The following ABCC12 variants were observed in gnomAD, a reference collection of about 807,000 sequenced individuals.
ABCC12 encodes ATP-binding cassette sub-family C member 12.
Under a neutral mutation model 151.1 loss-of-function variants are expected in ABCC12, and 142 were observed. The ratio of observed to expected loss-of-function variants is 0.94; its 90% confidence interval spans 0.82 to 1.08. The LOEUF is 1.08. Ranked by LOEUF, ABCC12 falls within the 50% of genes least tolerant of loss-of-function variation. ABCC12 has a pLI of 0.00. For missense variants in ABCC12, 1,638 were observed against 1,691.1 expected, an observed-to-expected ratio of 0.97 and a Z score of 0.55; for synonymous variants, 645 against 646.4, an observed-to-expected ratio of 1.00 and a Z score of 0.03.
At chr16:48,154,277 A>G (rs1965154291) in intron 1 of ABCC12, among the ~76,000 whole-genome samples, 1 of 152,208 alleles carries the variant, frequency 6.6e-6, no homozygotes, top group Non-Finnish European at 1.5e-5. Context: ...CACAAAGACC[A>G]TGTACAACTT....
intron 22 of ABCC12, 104 bp downstream of exon 22, chr16:48,104,038 T>C: frequency 2.4e-6 from 3 of 1,234,138 alleles, no homozygotes; most frequent in South Asian, 1.5e-5. Flanking sequence ...AAATCAATGG[T>C]AGACCATCAG....
At chr16:48,109,613 G>C (rs910988073) in intron 18 of ABCC12, among the ~76,000 whole-genome samples, 4 of 152,256 alleles carry the variant, frequency 2.6e-5, no homozygotes, top group African/African-American at 7.2e-5. Context: ...TTGCTGAATA[G>C]AGCCACCATT....
rs1234367972 is a variant in ABCC12, at chr16:48,083,445, A to G, written c.*270T>C. ...TGGTTTTGGTGAAAACACATGAGGA[A>G]CCCTTGGGGATTTGGGAGGTGAAGG... On this transcript the variant is annotated 3_prime_UTR_variant, in exon 31 of 31. Transcript: ENST00000311303. 2.4e-6 allele frequency: 1 copy of G among 416,620 alleles called. No individual in the cohort carries two copies. The highest frequency in any genetic ancestry group is 4.2e-5 in the East Asian group (1 of 23,878). The allele number at this position is 416,620 out of a possible 1,614,324, so 25.8% of individuals were successfully genotyped here. A position where few individuals can be genotyped will look rare whatever the true frequency, so the allele number is the denominator to read the frequency against.
At chr16:48,095,222 C>G (rs1330452489) in intron 24 of ABCC12, among the ~76,000 whole-genome samples, 1 of 152,164 alleles carries the variant, frequency 6.6e-6, no homozygotes, top group African/African-American at 2.4e-5. Flanking sequence ...GTAAATAAGT[C>G]TCACGAGAGC....
intron 29 of ABCC12, among the ~76,000 whole-genome samples, chr16:48,085,135 A>T (rs1962530479): frequency 6.6e-6 from 1 of 152,152 alleles, no homozygotes; most frequent in East Asian, 1.9e-4. Flanking sequence ...TGGCATTACT[A>T]AAGCAACAGC....
In ABCC12 at chr16:48,105,305, A is replaced by G. The variant is rs1247738739; in HGVS notation, c.2507T>C (p.Met836Thr). ...MTCGPQGNRTMCEVGAVLADI... is the reference protein window; with the variant it reads ...MTCGPQGNRTTCEVGAVLADI... ...TGCCAGCACCGCGCCGACCTCACAC[A>G]TGGTCCTGTTGCCCTGGGGCCCACA... The change falls in exon 21 of 31, where the codon ATG becomes ACG. Residue 836 changes from methionine to threonine, a missense_variant. Met to Thr is a moderately conservative substitution (Grantham distance 81). Coordinates refer to ENST00000311303, the MANE Select transcript of ABCC12 (RefSeq NM_001393797.1). 1.2e-6 allele frequency: 2 copies of G among 1,612,830 alleles called. No homozygotes were observed. The highest frequency in any genetic ancestry group is 2.7e-5 in the African/African-American group (2 of 74,902).
At chr16:48,141,062 A>G (rs1300022396) in intron 5 of ABCC12, 142 bp from the exon 6 acceptor site, 14 of 1,396,136 alleles carry the variant, frequency 1.0e-5, no homozygotes, top group Non-Finnish European at 1.3e-5. Context: ...CTTGACAAGG[A>G]TTCACTTTAT....
In ABCC12 at chr16:48,089,803, T is replaced by A. The variant is rs538515350; in HGVS notation, c.3286-1069A>T. ...AGTATTCACAATATATTAACAGAAC[T>A]TGGGCTTGTGACTCTAATTTAAAAT... On this transcript the variant is annotated intron_variant, in intron 25 of 30. Transcript: ENST00000311303. Among the ~76,000 whole-genome samples the A allele has an allele frequency of 4.3e-4, 65 of 152,356 alleles. 1 individual carries two copies. The South Asian group carries it at 0.01, about 24-fold the overall frequency.
At chr16:48,112,008 C>G in intron 15 of ABCC12, 98 bp from the exon 16 acceptor site, 1 of 1,437,502 alleles carries the variant, frequency 7.0e-7, no homozygotes, top group Non-Finnish European at 9.4e-7. Flanking sequence ...ACTTTAGGGG[C>G]CAGATCATTC....
rs1963529433 is a variant in ABCC12, at chr16:48,107,351, G to A, written c.2446C>T (p.Leu816=). 6.2e-7 allele frequency: 1 copy of A among 1,614,178 alleles called. No individual in the cohort carries two copies. Among genetic ancestry groups the A allele is most frequent in the Non-Finnish European group, 8.5e-7 (1 of 1,180,028 alleles). ...GAGCCCTTGTCCAACCAGAGACCCA[G>A]CCACCAGTTGCTGAAGGCAGCGCTG... ...IGSAAFSNWW[L]GLWLDKGSRM... Residue 816 remains leucine, a synonymous_variant, in exon 20 of 31, where the codon CTG becomes TTG. Coordinates refer to ENST00000311303, the MANE Select transcript of ABCC12 (RefSeq NM_001393797.1).
intron 3 of ABCC12, among the ~76,000 whole-genome samples, chr16:48,144,894 G>T (rs1415159244): frequency 6.6e-6 from 1 of 152,154 alleles, no homozygotes; most frequent in African/African-American, 2.4e-5. Context: ...AACTCAGTAA[G>T]ATGGGTGGCA....
At chr16:48,105,042 G>A (rs1177458100) in intron 21 of ABCC12, 97 bp downstream of exon 21, 4 of 1,380,642 alleles carry the variant, frequency 2.9e-6, no homozygotes, top group African/African-American at 1.4e-5. Context: ...GGCTCTGGCT[G>A]TCCCCAGAGC....
intron 22 of ABCC12, among the ~76,000 whole-genome samples, chr16:48,102,844 C>A (rs1963355418): frequency 6.6e-6 from 1 of 152,174 alleles, no homozygotes; most frequent in Non-Finnish European, 1.5e-5. Flanking sequence ...TCATCCTTTG[C>A]CTCTCCCATC....
Position 48,143,742 on chromosome 16 carries a change from G to A in ABCC12, c.275+168C>T, listed in dbSNP as rs139644255. ...TGTCTTGCCTGCCACCATGTAAGACGTGCCTTTACTCCTCCTTCACCTTCC... is the reference window on the plus strand; with the variant it reads ...TGTCTTGCCTGCCACCATGTAAGACATGCCTTTACTCCTCCTTCACCTTCC... On this transcript the variant is annotated intron_variant, in intron 4 of 30. Coordinates refer to ENST00000311303, the MANE Select transcript of ABCC12 (RefSeq NM_001393797.1). Among the ~76,000 whole-genome samples the A allele has an allele frequency of 2.6e-4, 39 of 152,290 alleles. No individual in the cohort carries two copies. The East Asian group carries it at 4.6e-3, about 18-fold the overall frequency.
At chr16:48,121,921 A>G in intron 12 of ABCC12, 81 bp from the exon 13 acceptor site, 2 of 1,583,978 alleles carry the variant, frequency 1.3e-6, no homozygotes, top group South Asian at 2.3e-5. Context: ...CCTGGCACCC[A>G]CATATTCCAC....
At chr16:48,134,346 C>T (rs969093268) in intron 8 of ABCC12, among the ~76,000 whole-genome samples, 4 of 152,204 alleles carry the variant, frequency 2.6e-5, no homozygotes, top group African/African-American at 9.7e-5. Context: ...AAATTCTAGG[C>T]ACCCAGCTAA....
chr16:48,100,251 C>T (rs917221069), intron 23 of ABCC12, among the ~76,000 whole-genome samples: 2 of 152,262 alleles, frequency 1.3e-5, no homozygotes, highest in South Asian at 2.1e-4. Flanking sequence ...TGAGCCACCG[C>T]GCCCAGTCTG....
intron 18 of ABCC12, among the ~76,000 whole-genome samples, chr16:48,110,226 G>C (rs766740590): frequency 1.3e-5 from 2 of 152,042 alleles, no homozygotes; most frequent in African/African-American, 2.4e-5. Flanking sequence ...CGATTCGAAG[G>C]CTCACTTCTT....
chr16:48,147,590 A>G lies in ABCC12; in HGVS notation c.-50-1116T>C, dbSNP rs1481195152. ...TGCAATCTTTTACACATTTCTCATTATACAGAAGAGGAAACAAAGGCCCAG... is the reference window on the plus strand; with the variant it reads ...TGCAATCTTTTACACATTTCTCATTGTACAGAAGAGGAAACAAAGGCCCAG... On this transcript the variant is annotated intron_variant, in intron 2 of 30. Transcript: ENST00000311303. Among the ~76,000 whole-genome samples, 3 of 152,178 alleles carry G rather than the reference A, an allele frequency of 2.0e-5. No homozygotes were observed. The East Asian group carries it at 5.8e-4, about 29-fold the overall frequency.
Sources: gnomAD v4.1 joint callset for allele counts (sites outside exome capture counted in the v4.1 genomes callset) on GRCh38, gnomAD v4.1.1 for gene constraint, MANE v1.5 for transcripts, NCBI Gene and HGNC (gene_info 2026-07-23, HGNC 2026-07-21) for gene names.